The following ZC3H13 variants were observed in gnomAD, a reference collection of about 807,000 sequenced individuals.
ZC3H13 encodes the protein zinc finger CCCH-type containing 13, also known as zinc finger CCCH domain-containing protein 13.
ZC3H13 carries 64 observed loss-of-function variants against 204.1 expected under a neutral mutation model. The observed-to-expected ratio is 0.31, with a 90% CI of 0.26 to 0.39. The LOEUF is 0.39. Among genes scored for constraint, ZC3H13 ranks in the 10% least tolerant of loss-of-function variants. The pLI is 1.00. For missense variants in ZC3H13, 1,833 were observed against 2,082.7 expected, an observed-to-expected ratio of 0.88 and a Z score of 2.33; for synonymous variants, 667 against 693.7, an observed-to-expected ratio of 0.96 and a Z score of 0.60.
intron 4 of ZC3H13, among the ~76,000 whole-genome samples, chr13:46,030,227 T>C (rs949566868): frequency 3.3e-5 from 5 of 152,180 alleles, no homozygotes; most frequent in Non-Finnish European, 5.9e-5. Context: ...GCGAATTTCC[T>C]CAACTTGATA....
intron 1 of ZC3H13, among the ~76,000 whole-genome samples, chr13:46,051,637 T>C (rs1000911928): frequency 6.6e-6 from 1 of 152,150 alleles, no homozygotes; most frequent in African/African-American, 2.4e-5. Context: ...GGTGTAAAGA[T>C]GTTTTCCAAA....
Position 45,975,760 on chromosome 13 carries a change from C to G in ZC3H13, c.1991G>C (p.Arg664Thr), listed in dbSNP as rs757148441. Residue 664 changes from arginine to threonine, a missense_variant, in exon 12 of 19, where the codon AGA (arginine) becomes ACA (threonine). Physicochemically the swap from Arg to Thr is moderately conservative, Grantham distance 71. Around this residue, in one of 5 missense-constraint regions of ZC3H13, gnomAD observed 1,574 missense variants for 1,757.2 expected, o/e 0.90. Coordinates refer to ENST00000679008, the MANE Select transcript of ZC3H13 (RefSeq NM_001330564.2). ...TCTCCTATCATCCACTCTGTCTACT[C>G]TTCGTTCCTCTCTTCTTTCATCACG... is the stretch of plus-strand genomic sequence containing the variant. Reference protein sequence around the residue: ...LERDERREERRVDRVDDRRDE... With the variant: ...LERDERREERTVDRVDDRRDE... 2 of 1,613,946 alleles carry G rather than the reference C, an allele frequency of 1.2e-6. No homozygotes were observed. Among genetic ancestry groups the G allele is most frequent in the Non-Finnish European group, 1.7e-6 (2 of 1,179,902 alleles).
intron 10 of ZC3H13, among the ~76,000 whole-genome samples, chr13:45,981,299 A>C (rs1050501655): frequency 8.5e-5 from 13 of 152,174 alleles, no homozygotes; most frequent in African/African-American, 3.1e-4. Flanking sequence ...CCATGTCCCT[A>C]CAAAGGACAT....
intron 10 of ZC3H13, among the ~76,000 whole-genome samples, chr13:45,984,169 T>C (rs188473114): frequency 6.6e-6 from 1 of 152,328 alleles, no homozygotes; most frequent in East Asian, 1.9e-4. Context: ...TAGTAGGATA[T>C]AAAACAGTAC....
At chr13:45,990,207 T>A (rs2138285501) in intron 8 of ZC3H13, among the ~76,000 whole-genome samples, 1 of 152,184 alleles carries the variant, frequency 6.6e-6, no homozygotes, top group Admixed American at 6.5e-5. Flanking sequence ...GCCAGTAGCA[T>A]CCCTCCCATT....
intron 10 of ZC3H13, among the ~76,000 whole-genome samples, chr13:45,981,262 A>C (rs548234603): frequency 6.6e-6 from 1 of 152,322 alleles, no homozygotes; most frequent in Admixed American, 6.5e-5. Context: ...CAAACTTAAA[A>C]GAACATATGA....
chr13:46,030,936 C>G (rs566971902), intron 4 of ZC3H13, among the ~76,000 whole-genome samples: 1 of 152,114 alleles, frequency 6.6e-6, no homozygotes, highest in Non-Finnish European at 1.5e-5. Context: ...TTTGTAGATA[C>G]TGACATACTC....
intron 4 of ZC3H13, among the ~76,000 whole-genome samples, chr13:46,024,085 A>T (rs1284033465): frequency 6.6e-6 from 1 of 152,208 alleles, no homozygotes; most frequent in Non-Finnish European, 1.5e-5. Flanking sequence ...CCAGCCATGA[A>T]AGTGGGATCA....
At chr13:45,970,201 C>T (rs1169846985) in intron 13 of ZC3H13, among the ~76,000 whole-genome samples, 161 bp downstream of exon 13, 2 of 152,072 alleles carry the variant, frequency 1.3e-5, no homozygotes, top group Non-Finnish European at 2.9e-5. Context: ...AATGACAGTA[C>T]TCTAACACAT....
chr13:45,958,174 T>G (rs1308423621), intron 18 of ZC3H13, among the ~76,000 whole-genome samples: 1 of 152,226 alleles, frequency 6.6e-6, no homozygotes, highest in Non-Finnish European at 1.5e-5. Flanking sequence ...TCTTTGGAGA[T>G]AAACTCATTC....
chr13:46,017,676 A>G (rs2041994693), intron 5 of ZC3H13, among the ~76,000 whole-genome samples: 1 of 152,162 alleles, frequency 6.6e-6, no homozygotes, highest in Non-Finnish European at 1.5e-5. Flanking sequence ...GAAAAAGCAT[A>G]TAAAAGTGGC....
At chr13:46,038,096 CTT>C (rs2043322913) in intron 4 of ZC3H13, among the ~76,000 whole-genome samples, 1 of 152,166 alleles carries the variant, frequency 6.6e-6, no homozygotes, top group Admixed American at 6.5e-5. Flanking sequence ...CAGCATGTCT[CTT>C]TTCTCTATTG....
chr13:46,049,729 A>AT (rs2044267611), intron 1 of ZC3H13, among the ~76,000 whole-genome samples: 1 of 152,202 alleles, frequency 6.6e-6, no homozygotes, highest in Admixed American at 6.5e-5. Context: ...TAAAATGTAG[A>AT]TTTTCGGGGC....
In ZC3H13 at chr13:45,969,469, A is replaced by G. The variant is rs777375626; in HGVS notation, c.3075T>C (p.Ser1025=). ...GAGTCCGTGGGCCTCTTTTCTTCTT[A>G]CTTTGCTGGGCTGCTTCTTCATCAG... ...DISDEEAAQQ[S]KKKRGPRTPP... Residue 1025 remains serine, a synonymous_variant, in exon 14 of 19, where the codon AGT becomes AGC. Transcript: ENST00000679008. 1 of 1,612,746 alleles carries G rather than the reference A, an allele frequency of 6.2e-7. No individual in the cohort carries two copies. Among genetic ancestry groups the G allele is most frequent in the African/African-American group, 1.3e-5 (1 of 74,682 alleles).
rs765376177 is a variant in ZC3H13, at chr13:46,044,985, C to T, written c.197G>A (p.Arg66His). The T allele has an allele frequency of 6.2e-5, 100 of 1,612,948 alleles. No individual in the cohort carries two copies. The highest frequency in any genetic ancestry group is 8.1e-5 in the Non-Finnish European group (96 of 1,179,460). Residue 66 changes from arginine (R) to histidine (H), a missense_variant, in exon 3 of 19, where the codon CGT becomes CAT. Coordinates refer to ENST00000679008, the MANE Select transcript of ZC3H13 (RefSeq NM_001330564.2). ...ATAATTGCTGCTATAACCTTTACCA[C>T]GAGGTGAAGGGCCATGTACGAATCT... ...TCRFVHGPSP[R>H]GKGYSSNYRR... is the part of the protein sequence containing the mutation.
intron 2 of ZC3H13, 42 bp from the exon 3 acceptor site, chr13:46,045,106 TG>T: frequency 6.6e-7 from 1 of 1,525,088 alleles, no homozygotes; most frequent in Non-Finnish European, 8.9e-7. Flanking sequence ...TATTTATTTC[TG>T]GAAAAAAAAA....
chr13:45,960,895 G>A (rs935224255), intron 17 of ZC3H13, among the ~76,000 whole-genome samples: 25 of 152,192 alleles, frequency 1.6e-4, no homozygotes, highest in Admixed American at 7.9e-4. Context: ...CAAAGTGTAA[G>A]TATTGAGATT....
chr13:45,979,686 T>C (rs1183916556), intron 11 of ZC3H13, 127 bp downstream of exon 11: 3 of 934,428 alleles, frequency 3.2e-6, no homozygotes, highest in Non-Finnish European at 4.6e-6. Flanking sequence ...TATAATAGTT[T>C]CAAATGTGTC....
intron 4 of ZC3H13, among the ~76,000 whole-genome samples, chr13:46,033,398 T>C (rs190942930): frequency 1.1e-3 from 166 of 152,210 alleles, no homozygotes; most frequent in Non-Finnish European, 1.8e-3. Context: ...AGTATAACAC[T>C]ATTAGCAATA....
Sources: gnomAD v4.1 joint callset for allele counts (sites outside exome capture counted in the v4.1 genomes callset) on GRCh38, gnomAD v4.1.1 for gene constraint, gnomAD v4.1.1 regional missense constraint, MANE v1.5 for transcripts, NCBI Gene and HGNC (gene_info 2026-07-23, HGNC 2026-07-21) for gene names.